EBF2: variants seen among roughly 807,000 people sequenced by gnomAD.
EBF2 encodes the protein EBF transcription factor 2.
In EBF2, 21 loss-of-function variants were observed where a neutral mutation model predicts 72.8. The ratio of observed to expected loss-of-function variants is 0.29; its 90% CI spans 0.20 to 0.42. The LOEUF (loss-of-function observed/expected upper bound fraction) is 0.42. EBF2 is among the 10% of genes least tolerant of loss of function. The pLI is 1.00. For missense variants in EBF2, 637 were observed against 731.2 expected (o/e 0.87, Z 1.49); for synonymous variants, 299 against 274.2 (o/e 1.09, Z -0.89).
chr8:25,906,314 GT>G (rs1803030288), intron 7 of EBF2, among the ~76,000 whole-genome samples: 1 of 152,162 alleles, frequency 6.6e-6, no homozygotes, highest in African/African-American at 2.4e-5. Context: ...CTAAGCTTTG[GT>G]CATGGAGGCA....
At chr8:25,888,915 A>AT (rs1284507543) in intron 8 of EBF2, among the ~76,000 whole-genome samples, 1 of 152,140 alleles carries the variant, frequency 6.6e-6, no homozygotes, top group Non-Finnish European at 1.5e-5. Flanking sequence ...GAACTCTGGG[A>AT]TTTTCTTCTC....
At chr8:26,021,140 G>C (rs1013580151) in intron 6 of EBF2, among the ~76,000 whole-genome samples, 2 of 152,178 alleles carry the variant, frequency 1.3e-5, no homozygotes, top group African/African-American at 4.8e-5. Flanking sequence ...CAGGGGAGGT[G>C]ACAAGTCCAT....
intron 10 of EBF2, among the ~76,000 whole-genome samples, chr8:25,885,186 G>T (rs990650505): frequency 6.7e-6 from 1 of 149,560 alleles, no homozygotes; most frequent in African/African-American, 2.5e-5. Context: ...GACAAGTCAA[G>T]TCTAAACTCC....
intron 6 of EBF2, among the ~76,000 whole-genome samples, chr8:25,928,706 A>G (rs549940203): frequency 6.7e-6 from 1 of 149,806 alleles, no homozygotes; most frequent in South Asian, 2.1e-4. Flanking sequence ...TAAATGAAGT[A>G]TTTACCAACA....
chr8:26,037,268 C>G (rs1322659857), intron 5 of EBF2, among the ~76,000 whole-genome samples: 1 of 152,150 alleles, frequency 6.6e-6, no homozygotes, highest in Non-Finnish European at 1.5e-5. Flanking sequence ...TAAAAGATGG[C>G]TGGGGAAGGG....
chr8:25,860,399 A>G (rs1802191281), intron 13 of EBF2, among the ~76,000 whole-genome samples: 1 of 152,194 alleles, frequency 6.6e-6, no homozygotes, highest in Non-Finnish European at 1.5e-5. Flanking sequence ...GATAATCACA[A>G]TAACAGAAGC....
chr8:26,042,181 GA>G lies in EBF2; in HGVS notation c.201del (p.His68ThrfsTer87). 6.2e-7 allele frequency: 1 copy of G among 1,614,210 alleles called. No individual in the cohort carries two copies. Among genetic ancestry groups the G allele is most frequent in the Non-Finnish European group, 8.5e-7 (1 of 1,180,026 alleles). On this transcript the variant is annotated frameshift_variant, in exon 2 of 16. Coordinates refer to ENST00000520164, the MANE Select transcript of EBF2 (RefSeq NM_022659.4). LOFTEE classifies it high-confidence loss of function. ...CTGTCATAGAGCGCCAGGACGAAGTGAAAGAAGTTGGATTTCCTCAAGTTGG... is the reference window on the plus strand; with the variant it reads ...CTGTCATAGAGCGCCAGGACGAAGTGAAGAAGTTGGATTTCCTCAAGTTGG... The part of the protein sequence containing the change: ...PPSNLRKSNF[F>X]HFVLALYDRQ...
intron 11 of EBF2, among the ~76,000 whole-genome samples, chr8:25,862,461 T>G (rs1458999877): frequency 6.6e-6 from 1 of 152,210 alleles, no homozygotes; most frequent in African/African-American, 2.4e-5. Flanking sequence ...AAGTTGGCCA[T>G]GTTTTTTAAA....
chr8:25,896,416 C>T (rs910329381), intron 7 of EBF2, among the ~76,000 whole-genome samples: 5 of 152,134 alleles, frequency 3.3e-5, no homozygotes, highest in Non-Finnish European at 7.4e-5. Context: ...GACTCTGATA[C>T]CCTACTTATG....
intron 6 of EBF2, chr8:26,032,872 A>G (rs1257909216): frequency 1.1e-5 from 6 of 562,678 alleles, no homozygotes; most frequent in Admixed American, 3.0e-5. Context: ...CCTGGAAAAG[A>G]CTCCACCACA....
intron 6 of EBF2, among the ~76,000 whole-genome samples, chr8:25,940,835 G>A (rs151307996): frequency 4.5e-4 from 68 of 152,194 alleles, no homozygotes; most frequent in African/African-American, 1.6e-3. Flanking sequence ...TTGAGGGAAG[G>A]CATGTGGAAT....
chr8:25,953,298 A>T (rs974368578), intron 6 of EBF2, among the ~76,000 whole-genome samples: 1 of 152,252 alleles, frequency 6.6e-6, no homozygotes, highest in African/African-American at 2.4e-5. Flanking sequence ...TGGCTGGCAC[A>T]CAACAGACAC....
Position 26,040,690 on chromosome 8 carries a change from C to A in EBF2, c.353-19G>T, listed in dbSNP as rs1056281108. 2.3e-5 allele frequency: 35 copies of A among 1,553,416 alleles called. No homozygotes were observed. The African/African-American group carries it at 4.4e-4, about 19-fold the overall frequency. Reference sequence around the variant, plus strand: ...CGGACACCTGCGGGGACCGGAGGGGCACGAGTCAAGGGCCGTAGAGCCCCT... The same window carrying A: ...CGGACACCTGCGGGGACCGGAGGGGAACGAGTCAAGGGCCGTAGAGCCCCT... On this transcript the variant is annotated intron_variant, in intron 3 of 15. Coordinates refer to ENST00000520164, the MANE Select transcript of EBF2 (RefSeq NM_022659.4).
intron 6 of EBF2, among the ~76,000 whole-genome samples, chr8:25,958,893 T>G (rs1024198949): frequency 2.6e-5 from 4 of 152,218 alleles, no homozygotes; most frequent in Admixed American, 2.0e-4. Flanking sequence ...TTCCATTTCT[T>G]TTTGACAGGA....
intron 6 of EBF2, among the ~76,000 whole-genome samples, chr8:25,970,382 G>T (rs1804172565): frequency 6.6e-6 from 1 of 152,088 alleles, no homozygotes; most frequent in Non-Finnish European, 1.5e-5. Flanking sequence ...AGCAGGTGCG[G>T]GCATATTTTA....
intron 10 of EBF2, among the ~76,000 whole-genome samples, chr8:25,880,346 C>A (rs1170275598): frequency 6.6e-6 from 1 of 152,100 alleles, no homozygotes; most frequent in East Asian, 1.9e-4. Flanking sequence ...ATTCTTTAAA[C>A]CTGTAATCTT....
At chr8:25,975,202 G>C (rs779478136) in intron 6 of EBF2, among the ~76,000 whole-genome samples, 2 of 152,144 alleles carry the variant, frequency 1.3e-5, no homozygotes, top group Non-Finnish European at 2.9e-5. Context: ...CCTCTGCTCA[G>C]CCCGGGTGAG....
chr8:25,933,630 G>A (rs1033919976), intron 6 of EBF2, among the ~76,000 whole-genome samples: 2 of 152,132 alleles, frequency 1.3e-5, no homozygotes, highest in Non-Finnish European at 2.9e-5. Flanking sequence ...ATCTACAAAA[G>A]ATGTTCCTTG....
intron 10 of EBF2, among the ~76,000 whole-genome samples, chr8:25,878,889 C>T (rs1405317840): frequency 6.6e-6 from 1 of 152,158 alleles, no homozygotes; most frequent in African/African-American, 2.4e-5. Flanking sequence ...GAAGCACCAC[C>T]AACTATCAGG....
Sources: allele counts gnomAD v4.1 joint callset (sites outside exome capture counted in the v4.1 genomes callset), GRCh38; gene constraint gnomAD v4.1.1; transcripts MANE v1.5; gene names NCBI Gene and HGNC (gene_info 2026-07-23, HGNC 2026-07-21).